DNM2: variants seen among roughly 807,000 people sequenced by gnomAD.
DNM2 encodes dynamin-2.
DNM2 carries 15 observed loss-of-function variants against 99.0 expected under a neutral mutation model. The observed-to-expected ratio is 0.15, with a 90% confidence interval of 0.10 to 0.23. The LOEUF is 0.23. Among genes scored for constraint, DNM2 ranks in the 10% least tolerant of loss-of-function variants. The pLI, the probability that DNM2 is intolerant of heterozygous loss-of-function variation, is 1.00. For synonymous variants in DNM2, 525 were observed against 481.2 expected (o/e 1.09, Z -1.19); for missense variants, 742 against 1,189.4 (o/e 0.62, Z 5.53).
rs1181622773 is a variant in DNM2 at position 10,796,771 on chromosome 19, G to A, written c.1197-609G>A. The stretch of plus-strand genomic sequence containing the variant: ...CCATTTTTGGATCCACTTAGTCACA[G>A]TGCCTCTATGCGCTCTCGACGAGCC... On this transcript the variant is annotated intron_variant, in intron 9 of 20. Transcript: ENST00000389253. This position sits in a 1 kb window ranked among gnomAD's most constrained non-coding sequence, Gnocchi z 5.6. Among the ~76,000 whole-genome samples, 1 of 152,126 alleles carries A rather than the reference G, an allele frequency of 6.6e-6. No individual in the cohort carries two copies. The highest frequency in any genetic ancestry group is 1.5e-5 in the Non-Finnish European group (1 of 68,034).
chr19:10,786,819 A>T lies in DNM2; in HGVS notation c.992+113A>T. The T allele has an allele frequency of 5.8e-6, 9 of 1,548,598 alleles. 1 individual carries two copies. In the South Asian group the frequency reaches 1.1e-4, roughly 18 times the overall value. On this transcript the variant is annotated intron_variant, in intron 7 of 20. Coordinates refer to ENST00000389253, the MANE Select transcript of DNM2 (RefSeq NM_001005361.3). ...ACTCGTCCACTCATTGATTCAGCAG[A>T]CACTTGCTGCAAGCCTTCTGCGTGC... is the stretch of plus-strand genomic sequence containing the variant.
Position 10,793,759 on chromosome 19 carries a change from C to G in DNM2, c.1032C>G (p.Ile344Met). The change falls in exon 8 of 21, where the codon ATC becomes ATG. Residue 344 changes from isoleucine (I) to methionine (M), a missense_variant. Physicochemically the swap from Ile to Met is conservative, Grantham distance 10 (BLOSUM62 1). Coordinates refer to ENST00000389253, the MANE Select transcript of DNM2 (RefSeq NM_001005361.3). Reference sequence around the variant, plus strand: ...TTGGGGTGGATTTTGAGAAGAGGATCGAGGGCTCAGGAGATCAGGTGGACA... The same window carrying G: ...TTGGGGTGGATTTTGAGAAGAGGATGGAGGGCTCAGGAGATCAGGTGGACA... ...QQFGVDFEKR[I>M]EGSGDQVDTL... The G allele has an allele frequency of 6.2e-7, 1 of 1,614,080 alleles. No individual in the cohort carries two copies. The highest frequency in any genetic ancestry group is 8.5e-7 in the Non-Finnish European group (1 of 1,180,014).
chr19:10,744,462 G>T (rs1041772295), intron 1 of DNM2, among the ~76,000 whole-genome samples: 6 of 152,130 alleles, frequency 3.9e-5, no homozygotes, highest in African/African-American at 1.4e-4. Context: ...CCATCACCCC[G>T]GGAGAGTCTC....
chr19:10,758,554 C>T (rs951983131), intron 1 of DNM2, among the ~76,000 whole-genome samples: 1 of 124,000 alleles, frequency 8.1e-6, no homozygotes, highest in Non-Finnish European at 1.7e-5. Flanking sequence ...TCCCTCCCTT[C>T]CCTTCTTTCC....
rs1379223585 is a variant in DNM2 at position 10,816,997 on chromosome 19, G to T, written c.1672-2983G>T. Among the ~76,000 whole-genome samples, 1 of 152,160 alleles carries T rather than the reference G, an allele frequency of 6.6e-6. No individual in the cohort carries two copies. Among genetic ancestry groups the T allele is most frequent in the Non-Finnish European group, 1.5e-5 (1 of 68,028 alleles). On this transcript the variant is annotated intron_variant, in intron 15 of 20. Transcript: ENST00000389253. The surrounding 1 kb of genome is among the most constrained non-coding windows in gnomAD (Gnocchi z 4.6). ...AGCCGACCTGTGAAAGGGGCCCTGT[G>T]TGAGCCCCAGACACAAAGCAGGCTC...
At chr19:10,755,365 T>G (rs1269475833) in intron 1 of DNM2, 1 of 152,152 alleles carries the variant, frequency 6.6e-6, no homozygotes, top group African/African-American at 2.4e-5. Context: ...ATTGAAAGGA[T>G]GGAGCAGGGG....
intron 8 of DNM2, 140 bp downstream of exon 8, chr19:10,793,995 G>T: frequency 7.2e-7 from 1 of 1,395,430 alleles, no homozygotes. Context: ...GTGTGGCCTG[G>T]ATGAGGTGTC....
chr19:10,727,659 G>T lies in DNM2; in HGVS notation c.161+9256G>T, dbSNP rs189964414. Among the ~76,000 whole-genome samples, 3 of 152,096 alleles carry T rather than the reference G, an allele frequency of 2.0e-5. No homozygotes were observed. In the East Asian group the frequency reaches 5.8e-4, roughly 29 times the overall value. ...TGCTGGGATTACAGGCAAGAGCCAC[G>T]GCACCCGGCCTAGGTTAGATTTAGA... On this transcript the variant is annotated intron_variant, in intron 1 of 20. Coordinates refer to ENST00000389253, the MANE Select transcript of DNM2 (RefSeq NM_001005361.3).
In DNM2 at chr19:10,797,638, T is replaced by C. The variant is rs1599573254; in HGVS notation, c.1335+120T>C. The C allele has an allele frequency of 4.7e-6, 7 of 1,497,962 alleles. No homozygotes were observed. In the East Asian group the frequency reaches 1.6e-4, roughly 34 times the overall value. 92.8% of individuals were successfully genotyped at this position (1,497,962 alleles called of 1,614,324 possible). ...GGAACCCCCTTCCGCCTACCAGTTG[T>C]CACTTAGAGATGTCGCCACCTTGCA... is the stretch of plus-strand genomic sequence containing the variant. On this transcript the variant is annotated intron_variant, in intron 10 of 20. Coordinates refer to ENST00000389253, the MANE Select transcript of DNM2 (RefSeq NM_001005361.3).
At chr19:10,718,527 G>A in intron 1 of DNM2, 124 bp downstream of exon 1, 1 of 1,233,754 alleles carries the variant, frequency 8.1e-7, no homozygotes, top group Non-Finnish European at 1.0e-6. Flanking sequence ...CGGGGAACCG[G>A]ACGGGGTCGG....
rs368815502 is a variant in DNM2 at position 10,819,964 on chromosome 19, T to C, written c.1672-16T>C. The C allele has an allele frequency of 2.5e-6, 4 of 1,613,582 alleles. No homozygotes were observed. The highest frequency in any genetic ancestry group is 1.7e-5 in the Admixed American group (1 of 60,024). On this transcript the variant is annotated splice_polypyrimidine_tract_variant and intron_variant, in intron 15 of 20. Coordinates refer to ENST00000389253, the MANE Select transcript of DNM2 (RefSeq NM_001005361.3). ...ACGTGGACCGCTCAGGGTGACTCTT[T>C]TCCCTCCACCCTCAGGAGAAAGAGA...
At chr19:10,828,640 GAAAT>G (rs1306616337) in intron 18 of DNM2, among the ~76,000 whole-genome samples, 2 of 151,618 alleles carry the variant, frequency 1.3e-5, no homozygotes, top group South Asian at 2.1e-4. Context: ...CAAGGTTAAG[GAAAT>G]AAATAAATAA....
intron 1 of DNM2, among the ~76,000 whole-genome samples, chr19:10,756,177 A>G (rs1053220347): frequency 2.0e-5 from 3 of 152,026 alleles, no homozygotes; most frequent in Non-Finnish European, 4.4e-5. Flanking sequence ...GGGGTCTGTC[A>G]CCTGCATGGG....
intron 1 of DNM2, among the ~76,000 whole-genome samples, chr19:10,749,161 T>C (rs1225265164): frequency 6.6e-6 from 1 of 152,194 alleles, no homozygotes; most frequent in East Asian, 1.9e-4. Context: ...TGACTCACCC[T>C]CTGTGGGCTT....
intron 17 of DNM2, chr19:10,824,655 T>A (rs1013332207): frequency 2.4e-5 from 6 of 248,618 alleles, no homozygotes; most frequent in Non-Finnish European, 4.0e-5. Flanking sequence ...AATACAAACA[T>A]ACCCAGGCAT....
Position 10,731,271 on chromosome 19 carries a change from G to A in DNM2, c.161+12868G>A, listed in dbSNP as rs116669236. On this transcript the variant is annotated intron_variant, in intron 1 of 20. Coordinates refer to ENST00000389253, the MANE Select transcript of DNM2 (RefSeq NM_001005361.3). Reference sequence around the variant, plus strand: ...CTAGAGGGTCACAGCCTCCACCCCCGGGAGGCCTACCAGCTGGCCGCGCAG... The same window carrying A: ...CTAGAGGGTCACAGCCTCCACCCCCAGGAGGCCTACCAGCTGGCCGCGCAG... Among the ~76,000 whole-genome samples, 980 of 152,226 alleles carry A rather than the reference G, an allele frequency of 6.4e-3. 20 individuals are homozygous for A. The highest frequency in any genetic ancestry group is 0.022 in the African/African-American group (931 of 41,548).
chr19:10,767,939 G>A (rs1050636992), intron 2 of DNM2, among the ~76,000 whole-genome samples: 4 of 152,058 alleles, frequency 2.6e-5, no homozygotes, highest in Non-Finnish European at 5.9e-5. Flanking sequence ...TGTTGACCTG[G>A]CATTCAGCAT....
At chr19:10,808,826 C>A (rs939956787) in intron 14 of DNM2, 2 of 467,726 alleles carry the variant, frequency 4.3e-6, no homozygotes, top group Non-Finnish European at 7.6e-6. Flanking sequence ...CAGTTCCTGG[C>A]AGGTTTTCCT....
At chr19:10,782,569 A>G (rs1180731495) in intron 5 of DNM2, among the ~76,000 whole-genome samples, 1 of 150,648 alleles carries the variant, frequency 6.6e-6, no homozygotes, top group East Asian at 2.0e-4. Flanking sequence ...CATGCTGGCC[A>G]GGGTGGCCTC....
Sources: allele counts gnomAD v4.1 joint callset (sites outside exome capture counted in the v4.1 genomes callset), GRCh38; gene constraint gnomAD v4.1.1; non-coding constraint Gnocchi (gnomAD v3.1); transcripts MANE v1.5; gene names NCBI Gene and HGNC (gene_info 2026-07-23, HGNC 2026-07-21).